SLC9B1: variants seen among roughly 807,000 people sequenced by gnomAD.
SLC9B1 encodes the protein sodium/hydrogen exchanger 9B1.
In SLC9B1, 32 loss-of-function variants were observed where a neutral mutation model predicts 51.7. The ratio of observed to expected loss-of-function variants is 0.62; its 90% CI spans 0.47 to 0.83. The LOEUF is 0.83. SLC9B1 is among the 40% of genes least tolerant of loss of function. SLC9B1 has a pLI of 0.00. For synonymous variants in SLC9B1, 145 were observed against 212.7 expected, an observed-to-expected ratio of 0.68 and a Z score of 2.77; for missense variants, 406 against 613.2, an observed-to-expected ratio of 0.66 and a Z score of 3.57.
chr4:102,957,319 A>G (rs557097520), intron 3 of SLC9B1, among the ~76,000 whole-genome samples: 15 of 152,230 alleles, frequency 9.9e-5, no homozygotes, highest in South Asian at 4.1e-4. Flanking sequence ...TTCAAATATA[A>G]GAAGTTCAAC....
At chr4:102,941,131 C>T (rs1295710983) in intron 6 of SLC9B1, among the ~76,000 whole-genome samples, 1 of 152,054 alleles carries the variant, frequency 6.6e-6, no homozygotes, top group Non-Finnish European at 1.5e-5. Context: ...AAAACAATTG[C>T]AACAAAAACA....
At position 102,946,961 on chromosome 4, in the gene SLC9B1, A is replaced by T. The variant is rs868825232; in HGVS notation, c.383-172T>A. 5.9e-5 allele frequency among the ~76,000 whole-genome samples: 9 copies of T among 152,132 alleles called. No homozygotes were observed. The South Asian group carries it at 1.9e-3, about 32-fold the overall frequency. ...AAGGAATGGCGATAAGAAACAATAC[A>T]CCTAAATGGGGTTCAACAAGTAAGT... On this transcript the variant is annotated intron_variant, in intron 4 of 11. Coordinates refer to ENST00000296422, the MANE Select transcript of SLC9B1 (RefSeq NM_139173.4).
At chr4:102,911,336 G>C in intron 8 of SLC9B1, 95 bp downstream of exon 8, 1 of 808,930 alleles carries the variant, frequency 1.2e-6, no homozygotes, top group Non-Finnish European at 1.9e-6. Context: ...TAGAGAAATA[G>C]AATTAAGTAT....
intron 11 of SLC9B1, among the ~76,000 whole-genome samples, chr4:102,905,205 T>TTTTATTTA (rs1255225574): frequency 1.3e-5 from 1 of 74,154 alleles, no homozygotes; most frequent in Non-Finnish European, 2.7e-5. Context: ...GGTTCTTTGT[T>TTTTATTTA]TTTGTTTATT....
chr4:102,948,308 C>T (rs1435538283), intron 4 of SLC9B1, among the ~76,000 whole-genome samples: 11 of 142,932 alleles, frequency 7.7e-5, no homozygotes, highest in Non-Finnish European at 1.2e-4. Context: ...CAGTTATACC[C>T]GAATCAGGCA....
rs189959423 is a variant in SLC9B1, at chr4:102,984,025, A to G, written c.211+5775T>C. 3.1e-3 allele frequency among the ~76,000 whole-genome samples: 474 copies of G among 152,208 alleles called. 1 individual carries two copies. Among genetic ancestry groups the G allele is most frequent in the African/African-American group, 0.01 (436 of 41,556 alleles). On this transcript the variant is annotated intron_variant, in intron 3 of 11. Transcript: ENST00000296422. Reference sequence around the variant, plus strand: ...CTATTAAGAAATATTATCAAATGCTATAAGTTTCCTTCTACTCATTGCTTT... The same window carrying G: ...CTATTAAGAAATATTATCAAATGCTGTAAGTTTCCTTCTACTCATTGCTTT...
chr4:102,945,728 A>T (rs1478743819), intron 5 of SLC9B1, among the ~76,000 whole-genome samples: 1 of 152,064 alleles, frequency 6.6e-6, no homozygotes, highest in South Asian at 2.1e-4. Flanking sequence ...TAACTTAAAA[A>T]CTGCATAATT....
At chr4:102,946,049 AAAAAAG>A (rs1737250001) in intron 5 of SLC9B1, among the ~76,000 whole-genome samples, 1 of 152,156 alleles carries the variant, frequency 6.6e-6, no homozygotes, top group African/African-American at 2.4e-5. Flanking sequence ...AATCTCCCTA[AAAAAAG>A]AAAAAGACTT....
At chr4:102,977,009 A>C (rs4699045) in intron 3 of SLC9B1, among the ~76,000 whole-genome samples, 87,342 of 151,752 alleles carry the variant, frequency 0.58, 26,384 homozygotes, top group African/African-American at 0.77. Context: ...AATTATCCAG[A>C]TATGGTGACA....
At chr4:102,959,294 T>C (rs5028609) in intron 3 of SLC9B1, among the ~76,000 whole-genome samples, 82,955 of 151,718 alleles carry the variant, frequency 0.55, 23,233 homozygotes, top group African/African-American at 0.68. Flanking sequence ...GAAGAAAACA[T>C]AAGTGTAATT....
In SLC9B1 at chr4:102,946,807, A is replaced by G. The variant is rs1737292910; in HGVS notation, c.383-18T>C. 2 of 1,574,092 alleles carry G rather than the reference A, an allele frequency of 1.3e-6. No individual in the cohort carries two copies. Among genetic ancestry groups the G allele is most frequent in the South Asian group, 1.2e-5 (1 of 84,622 alleles). ...TAACATCCCTTAAAAGAAAGAAAAT[A>G]AAGATACATGACAGTTCATTTTTCT... is the stretch of plus-strand genomic sequence containing the variant. On this transcript the variant is annotated intron_variant, in intron 4 of 11. Transcript: ENST00000296422.
chr4:102,980,897 A>C (rs1739318948), intron 3 of SLC9B1, among the ~76,000 whole-genome samples: 1 of 152,126 alleles, frequency 6.6e-6, no homozygotes, highest in East Asian at 1.9e-4. Flanking sequence ...TTGGGTTTGT[A>C]TGTTCTATGG....
rs181329365 is a variant in SLC9B1, at chr4:102,991,624, T to C, written c.69+19A>G. 225 of 1,509,852 alleles carry C rather than the reference T, an allele frequency of 1.5e-4. 2 individuals are homozygous for C. The African/African-American group carries it at 2.9e-3, about 19-fold the overall frequency. The allele number at this position is 1,509,852 out of a possible 1,614,324, so 93.5% of individuals were successfully genotyped here. A position where few individuals can be genotyped will look rare whatever the true frequency, so the allele number is the denominator to read the frequency against. On this transcript the variant is annotated intron_variant, in intron 2 of 11. Coordinates refer to ENST00000296422, the MANE Select transcript of SLC9B1 (RefSeq NM_139173.4). ...GTTGATTTTATATCATATATTACAG[T>C]ATACTTTTAAGTTTTTACCTGAGGA...
At chr4:102,943,504 T>TACACACACACACACACAC (rs1319877290) in intron 6 of SLC9B1, among the ~76,000 whole-genome samples, 68 of 72,022 alleles carry the variant, frequency 9.4e-4, no homozygotes, top group African/African-American at 1.7e-3. Context: ...TATGTGTATG[T>TACACACACACACACACAC]ATACACACAC....
At chr4:102,885,544 T>C (rs112149858) in intron 11 of SLC9B1, 1 of 815,048 alleles carries the variant, frequency 1.2e-6, no homozygotes. Flanking sequence ...TAATATTTGG[T>C]ATTGAAAGAC....
chr4:102,898,860 C>G (rs186394104), downstream of SLC9B1, among the ~76,000 whole-genome samples: 4 of 152,038 alleles, frequency 2.6e-5, no homozygotes, highest in Non-Finnish European at 5.9e-5. Flanking sequence ...CCCGAGTAGC[C>G]GGGACTACAG....
At chr4:102,885,556 A>G (rs1215360194) in intron 11 of SLC9B1, 2 of 745,616 alleles carry the variant, frequency 2.7e-6, no homozygotes, top group Non-Finnish European at 4.6e-6. Context: ...TTGAAAGACC[A>G]TATTCCTAAA....
At chr4:102,950,570 G>A (rs1420254106) in intron 3 of SLC9B1, among the ~76,000 whole-genome samples, 1 of 152,130 alleles carries the variant, frequency 6.6e-6, no homozygotes, top group Non-Finnish European at 1.5e-5. Context: ...TATAGAATTT[G>A]CCAGGGTAAA....
chr4:102,985,352 T>C (rs1739558661), intron 3 of SLC9B1, among the ~76,000 whole-genome samples: 1 of 152,192 alleles, frequency 6.6e-6, no homozygotes, highest in East Asian at 1.9e-4. Flanking sequence ...CTCTTTGCTA[T>C]TCATTGCCCT....
Sources: gnomAD v4.1 joint callset for allele counts (sites outside exome capture counted in the v4.1 genomes callset) on GRCh38, gnomAD v4.1.1 for gene constraint, MANE v1.5 for transcripts, NCBI Gene and HGNC (gene_info 2026-07-23, HGNC 2026-07-21) for gene names.